The following FITM1 variants were observed in gnomAD, a reference collection of about 807,000 sequenced individuals.
FITM1 encodes the protein fat storage-inducing transmembrane protein 1.
FITM1 carries 11 observed loss-of-function variants against 22.2 expected under a neutral mutation model. That is an observed-to-expected ratio of 0.50 (90% CI 0.31 to 0.82). The LOEUF is 0.82. Among genes scored for constraint, FITM1 ranks in the 40% least tolerant of loss-of-function variants. The pLI, the probability that FITM1 is intolerant of heterozygous loss-of-function variation, is 0.04. For missense variants in FITM1, 394 were observed against 386.4 expected, an observed-to-expected ratio of 1.02 and a Z score of -0.17; for synonymous variants, 164 against 174.0, an observed-to-expected ratio of 0.94 and a Z score of 0.45.
rs150217465 is a variant in FITM1 at position 24,132,795 on chromosome 14, G to A, written c.851G>A (p.Arg284His). 121 of 1,611,316 alleles carry A rather than the reference G, an allele frequency of 7.5e-5. No individual in the cohort carries two copies. The African/African-American group carries it at 1.1e-3, about 14-fold the overall frequency. The change falls in exon 2 of 2, where the codon CGT becomes CAT. Residue 284 changes from arginine (R) to histidine (H), a missense_variant. Physicochemically the swap from Arg to His is conservative, Grantham distance 29. Coordinates refer to ENST00000267426, the MANE Select transcript of FITM1 (RefSeq NM_203402.3). ...AGCCCAGGCCATGGGCTCTTCCCCC[G>A]TCCCCACTCCAGCCGCAAGCATAAC... ...PGSPGHGLFP[R>H]PHSSRKHN
chr14:24,131,447 A>G lies in FITM1; in HGVS notation c.-117A>G. 1 of 1,047,940 alleles carries G rather than the reference A, an allele frequency of 9.5e-7. No homozygotes were observed. The highest frequency in any genetic ancestry group is 2.6e-5 in the East Asian group (1 of 38,692). 64.9% of individuals were successfully genotyped at this position (1,047,940 alleles called of 1,614,324 possible). Reference sequence around the variant, plus strand: ...TCTCCCCCACCTGCCAGCTGCCAACAGGGCTCTGCCTTGTGTCTGCCACAC... The same window carrying G: ...TCTCCCCCACCTGCCAGCTGCCAACGGGGCTCTGCCTTGTGTCTGCCACAC... On this transcript the variant is annotated 5_prime_UTR_variant, in exon 1 of 2. Coordinates refer to ENST00000267426, the MANE Select transcript of FITM1 (RefSeq NM_203402.3).
rs1044670260 is a variant in FITM1 at position 24,131,148 on chromosome 14, G to A, written c.-416G>A. The A allele has an allele frequency of 1.3e-4, 68 of 525,946 alleles. No homozygotes were observed. Among genetic ancestry groups the A allele is most frequent in the Non-Finnish European group, 2.2e-4 (66 of 297,934 alleles). The allele number at this position is 525,946 out of a possible 1,614,324, so 32.6% of individuals were successfully genotyped here. A position where few individuals can be genotyped will look rare whatever the true frequency, so the allele number is the denominator to read the frequency against. The stretch of plus-strand genomic sequence containing the variant: ...GCTTTTTTTAAAAAACGACTTTCAA[G>A]GTTTGGTTATTTTTATCTCCATGAC... On this transcript the variant is annotated 5_prime_UTR_variant, in exon 1 of 2. Transcript: ENST00000267426.
At position 24,131,208 on chromosome 14, in the gene FITM1, G is replaced by A. The variant is rs1484428283; in HGVS notation, c.-356G>A. 9.0e-6 allele frequency: 5 copies of A among 553,974 alleles called. No homozygotes were observed. Among genetic ancestry groups the A allele is most frequent in the African/African-American group, 1.9e-5 (1 of 52,678 alleles). The allele number at this position is 553,974 out of a possible 1,614,324, so 34.3% of individuals were successfully genotyped here. A position where few individuals can be genotyped will look rare whatever the true frequency, so the allele number is the denominator to read the frequency against. On this transcript the variant is annotated 5_prime_UTR_variant, in exon 1 of 2. Transcript: ENST00000267426. The stretch of plus-strand genomic sequence containing the variant: ...CCCTGTGGAGCAAATGGTAAAGTAG[G>A]GGTGGGTGGAGAGGGACTTTGGCAG...
chr14:24,131,618 G>A lies in FITM1; in HGVS notation c.55G>A (p.Ala19Thr). ...ACTGGGGGCCGGGGCCCGAATCCAG[G>A]CACTGCTGGGCTGCCTGCTCAAGGT... Reference protein sequence around the residue: ...AGLGAGARIQALLGCLLKVLL... With the variant: ...AGLGAGARIQTLLGCLLKVLL... The change falls in exon 1 of 2, where the codon GCA becomes ACA. Residue 19 changes from alanine to threonine, a missense_variant. Coordinates refer to ENST00000267426, the MANE Select transcript of FITM1 (RefSeq NM_203402.3). 1 of 1,610,788 alleles carries A rather than the reference G, an allele frequency of 6.2e-7. No individual in the cohort carries two copies. Among genetic ancestry groups the A allele is most frequent in the Non-Finnish European group, 8.5e-7 (1 of 1,178,714 alleles).
At chr14:24,131,973 C>G in intron 1 of FITM1, 144 bp downstream of exon 1, 1 of 1,321,842 alleles carries the variant, frequency 7.6e-7, no homozygotes, top group Non-Finnish European at 1.0e-6. Context: ...GGGAAGGGAA[C>G]AGAGCCCTGG....
At chr14:24,131,954 C>G in intron 1 of FITM1, 125 bp downstream of exon 1, 1 of 1,399,896 alleles carries the variant, frequency 7.1e-7, no homozygotes, top group East Asian at 2.4e-5. Context: ...AGGAAAAGGT[C>G]GGGGGAGGGG....
In FITM1 at chr14:24,132,450, G is replaced by T. The variant is rs143978767; in HGVS notation, c.506G>T (p.Arg169Leu). 6.2e-7 allele frequency: 1 copy of T among 1,605,966 alleles called. No homozygotes were observed. Among genetic ancestry groups the T allele is most frequent in the Admixed American group, 1.7e-5 (1 of 60,020 alleles). The change falls in exon 2 of 2, where the codon CGC becomes CTC. Residue 169 changes from arginine to leucine, a missense_variant. Coordinates refer to ENST00000267426, the MANE Select transcript of FITM1 (RefSeq NM_203402.3). Reference protein sequence around the residue: ...GLLLHELPDRRSCLAAGHQWR... With the variant: ...GLLLHELPDRLSCLAAGHQWR... ...CTGCTCCACGAGCTGCCTGACCGCCGCAGCTGCCTGGCAGCCGGCCACCAG... is the reference window on the plus strand; with the variant it reads ...CTGCTCCACGAGCTGCCTGACCGCCTCAGCTGCCTGGCAGCCGGCCACCAG...
In FITM1 at chr14:24,131,404, C is replaced by T. The variant is rs1312997724; in HGVS notation, c.-160C>T. 3.9e-6 allele frequency: 3 copies of T among 761,132 alleles called. No individual in the cohort carries two copies. In the African/African-American group the frequency reaches 5.1e-5, roughly 13 times the overall value. The allele number at this position is 761,132 out of a possible 1,614,324, so 47.1% of individuals were successfully genotyped here. ...ACGTGGCAGACCTCCACCCTGGCCC[C>T]TTACTGCCCCCCGCCCCTCTCCCCC... On this transcript the variant is annotated 5_prime_UTR_variant, in exon 1 of 2. Transcript: ENST00000267426.
In FITM1 at chr14:24,132,376, C is replaced by T. The variant is rs1181223735; in HGVS notation, c.432C>T (p.Leu144=). The change falls in exon 2 of 2, where the codon CTC becomes CTT. Residue 144 remains leucine, a synonymous_variant. Coordinates refer to ENST00000267426, the MANE Select transcript of FITM1 (RefSeq NM_203402.3). ...GGGGAGCCGGCCGGGCCTTCCTGCTCATCGAGGACCTGACTGGCTCCTGCT... is the reference window on the plus strand; with the variant it reads ...GGGGAGCCGGCCGGGCCTTCCTGCTTATCGAGGACCTGACTGGCTCCTGCT... ...VWRGAGRAFL[L]IEDLTGSCFE... The T allele has an allele frequency of 1.2e-6, 2 of 1,613,168 alleles. No individual in the cohort carries two copies. Among genetic ancestry groups the T allele is most frequent in the Non-Finnish European group, 8.5e-7 (1 of 1,179,714 alleles).
chr14:24,132,402 T>C lies in FITM1; in HGVS notation c.458T>C (p.Phe153Ser). The C allele has an allele frequency of 6.2e-7, 1 of 1,610,794 alleles. No homozygotes were observed. Among genetic ancestry groups the C allele is most frequent in the Non-Finnish European group, 8.5e-7 (1 of 1,179,900 alleles). ...LLIEDLTGSC[F>S]EPLPQGLLLH... ...ATCGAGGACCTGACTGGCTCCTGCT[T>C]CGAGCCACTGCCCCAGGGTCTGCTG... The change falls in exon 2 of 2, where the codon TTC (phenylalanine) becomes TCC (serine). Residue 153 changes from phenylalanine to serine, a missense_variant. Phe to Ser is a radical substitution (Grantham distance 155). Transcript: ENST00000267426.
Position 24,132,192 on chromosome 14 carries a change from C to T in FITM1, c.267-19C>T. 1 of 1,606,632 alleles carries T rather than the reference C, an allele frequency of 6.2e-7. No individual in the cohort carries two copies. The highest frequency in any genetic ancestry group is 8.5e-7 in the Non-Finnish European group (1 of 1,177,988). On this transcript the variant is annotated intron_variant, in intron 1 of 1. Coordinates refer to ENST00000267426, the MANE Select transcript of FITM1 (RefSeq NM_203402.3). ...AGATGGAGCTTGGGGTCTCAATAGTCTCCCTTCTTTGCCCACAGAAAATTT... is the reference window on the plus strand; with the variant it reads ...AGATGGAGCTTGGGGTCTCAATAGTTTCCCTTCTTTGCCCACAGAAAATTT...
rs1293322975 is a variant in FITM1, at chr14:24,131,571, G to C, written c.8G>C (p.Arg3Pro). 1.3e-6 allele frequency: 2 copies of C among 1,580,962 alleles called. No individual in the cohort carries two copies. The highest frequency in any genetic ancestry group is 1.3e-5 in the African/African-American group (1 of 74,560). ...GTGGGGAGGGGAGGGAACATGGAGC[G>C]GGGGCCGGTGGTGGGGGCAGGACTG... MERGPVVGAGLGA... is the reference protein window; with the variant it reads MEPGPVVGAGLGA... Residue 3 changes from arginine (R) to proline (P), a missense_variant, in exon 1 of 2, where the codon CGG becomes CCG. Arg to Pro is a moderately radical substitution (Grantham distance 103, BLOSUM62 -2). Transcript: ENST00000267426.
At chr14:24,132,058 T>C in intron 1 of FITM1, 153 bp from the exon 2 acceptor site, 2 of 1,245,974 alleles carry the variant, frequency 1.6e-6, no homozygotes, top group Non-Finnish European at 2.2e-6. Flanking sequence ...TCCAAGGAGA[T>C]AGCAAAGGTT....
rs942691754 is a variant in FITM1 at position 24,130,990 on chromosome 14, C to T, written c.-574C>T. Among the ~76,000 whole-genome samples the T allele has an allele frequency of 1.2e-4, 19 of 152,230 alleles. 1 individual carries two copies. Among genetic ancestry groups the T allele is most frequent in the African/African-American group, 4.1e-4 (17 of 41,462 alleles). ...GTCACAGGGCACTGAAGTGGATACC[C>T]ATGCTGATCTGCCTCCCAAGGCCTA... On this transcript the variant is annotated 5_prime_UTR_variant, in exon 1 of 2. Transcript: ENST00000267426.
chr14:24,131,138 C>A lies in FITM1; in HGVS notation c.-426C>A, dbSNP rs1011874602. The stretch of plus-strand genomic sequence containing the variant: ...AAGACTGGCAGCTTTTTTTAAAAAA[C>A]GACTTTCAAGGTTTGGTTATTTTTA... On this transcript the variant is annotated 5_prime_UTR_variant, in exon 1 of 2. Transcript: ENST00000267426. 7.6e-6 allele frequency: 4 copies of A among 526,066 alleles called. No individual in the cohort carries two copies. Among genetic ancestry groups the A allele is most frequent in the Admixed American group, 3.6e-5 (1 of 27,868 alleles). The allele number at this position is 526,066 out of a possible 1,614,324, so 32.6% of individuals were successfully genotyped here. A position where few individuals can be genotyped will look rare whatever the true frequency, so the allele number is the denominator to read the frequency against.
At position 24,132,732 on chromosome 14, in the gene FITM1, C is replaced by T. The variant is rs762001311; in HGVS notation, c.788C>T (p.Thr263Ile). ...AAVGTFAWYL[T>I]YGSWYHQPWS... ...GTGGGCACCTTTGCCTGGTACCTCA[C>T]CTATGGCAGCTGGTATCATCAGCCC... The change falls in exon 2 of 2, where the codon ACC becomes ATC. Residue 263 changes from threonine (T) to isoleucine (I), a missense_variant. Transcript: ENST00000267426. 1 of 1,613,912 alleles carries T rather than the reference C, an allele frequency of 6.2e-7. No homozygotes were observed. Among genetic ancestry groups the T allele is most frequent in the Admixed American group, 1.7e-5 (1 of 59,964 alleles).
intron 1 of FITM1, 25 bp downstream of exon 1, chr14:24,131,854 G>C: frequency 6.4e-7 from 1 of 1,550,600 alleles, no homozygotes. Context: ...GGCTGTGGGA[G>C]CCGGGTCCCT....
chr14:24,132,074 A>C, intron 1 of FITM1, 137 bp from the exon 2 acceptor site: 4 of 1,318,360 alleles, frequency 3.0e-6, no homozygotes, highest in Non-Finnish European at 4.1e-6. Flanking sequence ...AGGTTAAATG[A>C]CTGGGGGCTG....
rs1266006138 is a variant in FITM1, at chr14:24,132,414, C to T, written c.470C>T (p.Pro157Leu). Residue 157 changes from proline (P) to leucine (L), a missense_variant, in exon 2 of 2, where the codon CCC becomes CTC. Transcript: ENST00000267426. ...DLTGSCFEPL[P>L]QGLLLHELPD... is the part of the protein sequence containing the mutation. ...ACTGGCTCCTGCTTCGAGCCACTGC[C>T]CCAGGGTCTGCTGCTCCACGAGCTG... The T allele has an allele frequency of 6.8e-6, 11 of 1,610,264 alleles. No individual in the cohort carries two copies. Among genetic ancestry groups the T allele is most frequent in the Admixed American group, 1.7e-5 (1 of 60,006 alleles).
Sources: allele counts gnomAD v4.1 joint callset (sites outside exome capture counted in the v4.1 genomes callset), GRCh38; gene constraint gnomAD v4.1.1; transcripts MANE v1.5; gene names NCBI Gene and HGNC (gene_info 2026-07-23, HGNC 2026-07-21).